Variants in TOP2B observed in about 807,000 individuals in gnomAD.
TOP2B encodes the protein DNA topoisomerase II beta.
A neutral mutation model predicts 193.5 loss-of-function variants in TOP2B; 51 were observed. That is an observed-to-expected ratio of 0.26 (90% CI 0.21 to 0.33). TOP2B has a LOEUF of 0.33. Among genes scored for constraint, TOP2B ranks in the 10% least tolerant of loss-of-function variants. The pLI, the probability that TOP2B is intolerant of heterozygous loss-of-function variation, is 1.00. For missense variants in TOP2B, 1,378 were observed against 1,909.3 expected, an observed-to-expected ratio of 0.72 and a Z score of 5.19; for synonymous variants, 634 against 635.7, an observed-to-expected ratio of 1.00 and a Z score of 0.04.
At chr3:25,651,800 G>C (rs975418881) in intron 1 of TOP2B, among the ~76,000 whole-genome samples, 1 of 151,832 alleles carries the variant, frequency 6.6e-6, no homozygotes, top group Non-Finnish European at 1.5e-5. Context: ...CTGAGGCAGA[G>C]GTTGCAGTGA....
intron 1 of TOP2B, among the ~76,000 whole-genome samples, chr3:25,656,425 C>A (rs905208575): frequency 6.6e-6 from 1 of 151,886 alleles, no homozygotes; most frequent in African/African-American, 2.4e-5. Flanking sequence ...TGATAGCAAG[C>A]CTCCATCACA....
At chr3:25,627,405 C>G in intron 15 of TOP2B, 109 bp from the exon 16 acceptor site, 1 of 611,202 alleles carries the variant, frequency 1.6e-6, no homozygotes, top group Non-Finnish European at 2.8e-6. Flanking sequence ...GCTGGCAACA[C>G]CTATACTAAG....
intron 35 of TOP2B, 23 bp downstream of exon 35, chr3:25,599,412 T>C: frequency 6.2e-7 from 1 of 1,607,504 alleles, no homozygotes; most frequent in Non-Finnish European, 8.5e-7. Flanking sequence ...CATGCACTAA[T>C]ATGCAATGAT....
intron 21 of TOP2B, 96 bp downstream of exon 21, chr3:25,623,419 T>TA: frequency 8.7e-7 from 1 of 1,150,894 alleles, no homozygotes; most frequent in African/African-American, 1.5e-5. Flanking sequence ...CAATATGTTC[T>TA]AAAATAAAAA....
chr3:25,645,526 T>A (rs1703391396), intron 1 of TOP2B, 56 bp from the exon 2 acceptor site: 1 of 1,333,640 alleles, frequency 7.5e-7, no homozygotes, highest in Non-Finnish European at 1.0e-6. Flanking sequence ...AGACAATGAG[T>A]ATGGACACAC....
Position 25,620,718 on chromosome 3 carries a change from T to A in TOP2B, c.2826A>T (p.Val942=). 6.2e-7 allele frequency: 1 copy of A among 1,613,066 alleles called. No individual in the cohort carries two copies. ...TTCTAACTGGAAGCTCTGTAATTTC[T>A]ACTGTGTTTCTGTCCACTACAAATA... is the stretch of plus-strand genomic sequence containing the variant. The part of the protein sequence containing the change: ...GEIFVVDRNT[V]EITELPVRTW... The change falls in exon 22 of 36, where the codon GTA becomes GTT. Residue 942 remains valine (V), a synonymous_variant. Transcript: ENST00000264331.
Position 25,633,905 on chromosome 3 carries a change from C to T in TOP2B, c.962G>A (p.Cys321Tyr). The change falls in exon 8 of 36, where the codon TGT (cysteine) becomes TAT (tyrosine). Residue 321 changes from cysteine to tyrosine, a missense_variant. Transcript: ENST00000264331. ...HELANERWDV[C>Y]LTLSEKGFQQ... ...GAATCCTTTTTCACTCAATGTGAGA[C>T]AAACATCCCATCTTTCATTTGCAAG... The T allele has an allele frequency of 6.2e-7, 1 of 1,613,236 alleles. No homozygotes were observed. The highest frequency in any genetic ancestry group is 8.5e-7 in the Non-Finnish European group (1 of 1,179,432).
Position 25,598,456 on chromosome 3 carries a change from C to A in TOP2B, c.4732G>T (p.Asp1578Tyr). The A allele has an allele frequency of 1.3e-6, 2 of 1,589,924 alleles. No individual in the cohort carries two copies. Among genetic ancestry groups the A allele is most frequent in the South Asian group, 1.2e-5 (1 of 85,508 alleles). ...AAGATGTCCACATCTGAATCCTGATCAAAAGATGTCTTCTTCGGTTTCTAG... is the reference window on the plus strand; with the variant it reads ...AAGATGTCCACATCTGAATCCTGATAAAAAGATGTCTTCTTCGGTTTCTAG... ...TSKKPKKTSF[D>Y]QDSDVDIFPS... Residue 1578 changes from aspartate (D) to tyrosine (Y), a missense_variant, in exon 36 of 36, where the codon GAT becomes TAT. Coordinates refer to ENST00000264331, the MANE Select transcript of TOP2B (RefSeq NM_001330700.2).
chr3:25,645,862 T>G (rs1392934972), intron 1 of TOP2B, among the ~76,000 whole-genome samples: 1 of 151,902 alleles, frequency 6.6e-6, no homozygotes, highest in Non-Finnish European at 1.5e-5. Flanking sequence ...CAGTTTCAAG[T>G]GATTCTCCTG....
chr3:25,630,278 G>C, intron 12 of TOP2B, 34 bp downstream of exon 12: 5 of 1,541,336 alleles, frequency 3.2e-6, no homozygotes, highest in Non-Finnish European at 4.4e-6. Flanking sequence ...GTGTGCATGT[G>C]TGTATACACA....
chr3:25,650,337 C>A (rs999639217), intron 1 of TOP2B, among the ~76,000 whole-genome samples: 2 of 152,204 alleles, frequency 1.3e-5, no homozygotes, highest in African/African-American at 4.8e-5. Flanking sequence ...TCCTAAAAAA[C>A]TGTTGCCAAG....
chr3:25,654,657 G>A (rs1465327350), intron 1 of TOP2B, among the ~76,000 whole-genome samples: 1 of 152,008 alleles, frequency 6.6e-6, no homozygotes. Flanking sequence ...AAAGCTAAAG[G>A]CCTCACACCT....
At chr3:25,642,630 C>T (rs1373773953) in intron 3 of TOP2B, among the ~76,000 whole-genome samples, 7 of 152,048 alleles carry the variant, frequency 4.6e-5, no homozygotes, top group Non-Finnish European at 7.4e-5. Flanking sequence ...TTTAGTGATA[C>T]ATATTAATCA....
chr3:25,609,112 C>G, intron 30 of TOP2B, 71 bp downstream of exon 30: 6 of 1,337,336 alleles, frequency 4.5e-6, no homozygotes, highest in Non-Finnish European at 6.0e-6. Context: ...TTAAACAACA[C>G]TGATAATACT....
intron 21 of TOP2B, among the ~76,000 whole-genome samples, chr3:25,621,729 C>T (rs1702662584): frequency 6.6e-6 from 1 of 152,076 alleles, no homozygotes; most frequent in Admixed American, 6.5e-5. Flanking sequence ...TGGCTCATGC[C>T]TGTAATCCCA....
At chr3:25,640,064 TCA>T (rs1277285902) in intron 4 of TOP2B, among the ~76,000 whole-genome samples, 1 of 152,212 alleles carries the variant, frequency 6.6e-6, no homozygotes, top group African/African-American at 2.4e-5. Flanking sequence ...GCTCTTTTTC[TCA>T]TTTAAATTTA....
chr3:25,645,185 T>C, intron 2 of TOP2B, 115 bp downstream of exon 2: 2 of 982,568 alleles, frequency 2.0e-6, no homozygotes, highest in East Asian at 2.5e-5. Flanking sequence ...ACTTTGACTA[T>C]GACAGATGAA....
At chr3:25,610,404 A>C (rs1162609512) in intron 28 of TOP2B, among the ~76,000 whole-genome samples, 1 of 152,194 alleles carries the variant, frequency 6.6e-6, no homozygotes, top group Admixed American at 6.5e-5. Flanking sequence ...AACTCTGCTC[A>C]AGGCAGGGTC....
At chr3:25,623,833 A>G in intron 20 of TOP2B, 87 bp from the exon 21 acceptor site, 1 of 793,794 alleles carries the variant, frequency 1.3e-6, no homozygotes, top group Non-Finnish European at 2.0e-6. Context: ...TCACACTGCA[A>G]AAACAAATCT....
Sources: gnomAD v4.1 joint callset for allele counts (sites outside exome capture counted in the v4.1 genomes callset) on GRCh38, gnomAD v4.1.1 for gene constraint, MANE v1.5 for transcripts, NCBI Gene and HGNC (gene_info 2026-07-23, HGNC 2026-07-21) for gene names.